ABCB5: variants seen among roughly 807,000 people sequenced by gnomAD.
ABCB5 encodes the protein ATP binding cassette subfamily B member 5.
A neutral mutation model predicts 144.2 loss-of-function variants in ABCB5; 155 were observed. The ratio of observed to expected loss-of-function variants is 1.08; its 90% confidence interval spans 0.94 to 1.23. The LOEUF (loss-of-function observed/expected upper bound fraction) is 1.23, where lower values mean the gene tolerates loss of function less well. Ranked by LOEUF, ABCB5 falls within the 50% of genes most tolerant of loss-of-function variation. The pLI is 0.00. For missense variants in ABCB5, 1,830 were observed against 1,520.8 expected (o/e 1.20, Z -3.38); for synonymous variants, 610 against 528.6 (o/e 1.15, Z -2.11).
At position 20,728,327 on chromosome 7, in the gene ABCB5, G is replaced by C. The variant is rs1782101917; in HGVS notation, c.2739G>C (p.Lys913Asn). 12 of 1,613,758 alleles carry C rather than the reference G, an allele frequency of 7.4e-6. No individual in the cohort carries two copies. The highest frequency in any genetic ancestry group is 9.3e-6 in the Non-Finnish European group (11 of 1,179,836). ...MLQTQHRNTS[K>N]KAQIIGSCYA... The stretch of plus-strand genomic sequence containing the variant: ...TTGTACATTCCAGAAATACCTCGAA[G>C]AAAGCACAGATTATTGGAAGCTGTT... Residue 913 changes from lysine to asparagine, a missense_variant, in exon 23 of 28, where the codon AAG (lysine) becomes AAC (asparagine). Lys to Asn is a moderately conservative substitution (Grantham distance 94). Transcript: ENST00000404938.
chr7:20,740,645 C>T (rs1782532173), intron 24 of ABCB5, among the ~76,000 whole-genome samples: 2 of 152,008 alleles, frequency 1.3e-5, no homozygotes, highest in African/African-American at 4.8e-5. Flanking sequence ...TTTCTTTCTG[C>T]AGATTATAAC....
rs190935074 is a variant in ABCB5, at chr7:20,693,412, A to G, written c.2011-4995A>G. 7.2e-5 allele frequency among the ~76,000 whole-genome samples: 11 copies of G among 152,272 alleles called. No individual in the cohort carries two copies. In the East Asian group the frequency reaches 1.7e-3, roughly 24 times the overall value. On this transcript the variant is annotated intron_variant, in intron 16 of 27. Transcript: ENST00000404938. ...GAAATGCAAAGTATATTACCTGACC[A>G]ATATGGAATAAAGTCAGAAGTCAAT...
intron 14 of ABCB5, chr7:20,667,310 G>A (rs1157740181): frequency 1.0e-5 from 10 of 984,742 alleles, no homozygotes; most frequent in Non-Finnish European, 1.1e-5. Context: ...TATGAGAAGA[G>A]ATATATATTA....
Position 20,757,004 on chromosome 7 carries a change from C to A in ABCB5, c.*1380C>A, listed in dbSNP as rs1187993875. 6.6e-6 allele frequency: 1 copy of A among 152,294 alleles called. No individual in the cohort carries two copies. Among genetic ancestry groups the A allele is most frequent in the African/African-American group, 2.4e-5 (1 of 41,426 alleles). 9.4% of individuals were successfully genotyped at this position (152,294 alleles called of 1,614,324 possible). On this transcript the variant is annotated 3_prime_UTR_variant, in exon 28 of 28. Coordinates refer to ENST00000404938, the MANE Select transcript of ABCB5 (RefSeq NM_001163941.2). ...TGCAAAATAAAAATAAGATTGGGGA[C>A]TTGAGAATCAGATGCATTGCTTAGA...
intron 20 of ABCB5, among the ~76,000 whole-genome samples, chr7:20,715,878 C>G (rs935081351): frequency 5.9e-5 from 9 of 151,978 alleles, no homozygotes; most frequent in Admixed American, 1.3e-4. Context: ...CACCACCACG[C>G]CCAGCTAATT....
At chr7:20,734,813 G>A (rs1019473692) in intron 23 of ABCB5, among the ~76,000 whole-genome samples, 8 of 152,072 alleles carry the variant, frequency 5.3e-5, no homozygotes, top group African/African-American at 1.9e-4. Context: ...CTCTTGTTTA[G>A]GTTCTCATGC....
At chr7:20,712,441 A>G (rs921823582) in intron 20 of ABCB5, among the ~76,000 whole-genome samples, 1 of 149,330 alleles carries the variant, frequency 6.7e-6, no homozygotes, top group East Asian at 2.0e-4. Flanking sequence ...TCTATTGACC[A>G]TTATTTATCT....
Position 20,755,841 on chromosome 7 carries a change from A to G in ABCB5, c.*217A>G. 2.0e-6 allele frequency: 1 copy of G among 508,092 alleles called. No homozygotes were observed. Among genetic ancestry groups the G allele is most frequent in the Non-Finnish European group, 3.5e-6 (1 of 286,438 alleles). 31.5% of individuals were successfully genotyped at this position (508,092 alleles called of 1,614,324 possible). A position where few individuals can be genotyped will look rare whatever the true frequency, so the allele number is the denominator to read the frequency against. On this transcript the variant is annotated 3_prime_UTR_variant, in exon 28 of 28. Coordinates refer to ENST00000404938, the MANE Select transcript of ABCB5 (RefSeq NM_001163941.2). ...TTCATGTAAGTGAAATAATGCTTAT[A>G]TCCTTCACTTTATAAAACTATTCTA...
intron 20 of ABCB5, among the ~76,000 whole-genome samples, chr7:20,711,243 G>T (rs1056947236): frequency 2.0e-5 from 3 of 149,004 alleles, no homozygotes; most frequent in Non-Finnish European, 4.5e-5. Flanking sequence ...AACATTTCTG[G>T]TCTCTTCCTT....
chr7:20,709,163 C>T (rs1562572212), intron 20 of ABCB5, among the ~76,000 whole-genome samples: 1 of 150,858 alleles, frequency 6.6e-6, no homozygotes, highest in Non-Finnish European at 1.5e-5. Flanking sequence ...ATAAGTTACG[C>T]AGTCTGAACA....
chr7:20,721,780 G>T (rs1363699512), intron 20 of ABCB5, among the ~76,000 whole-genome samples: 1 of 152,088 alleles, frequency 6.6e-6, no homozygotes, highest in Non-Finnish European at 1.5e-5. Context: ...ATTCAAATAG[G>T]AGTTAAGAAT....
At chr7:20,698,357 T>C (rs747216726) in intron 16 of ABCB5, 50 bp from the exon 17 acceptor site, 3 of 1,468,598 alleles carry the variant, frequency 2.0e-6, no homozygotes, top group African/African-American at 2.9e-5. Flanking sequence ...TTCACTAGAT[T>C]CTGTTATGCA....
chr7:20,658,327 CTT>C (rs759670787), intron 13 of ABCB5, among the ~76,000 whole-genome samples, 177 bp from the exon 14 acceptor site: 10 of 140,614 alleles, frequency 7.1e-5, no homozygotes, highest in Non-Finnish European at 9.2e-5. Context: ...TCTTTGGGCT[CTT>C]TTTTTTTTTT....
chr7:20,629,357 C>T (rs923266122), intron 4 of ABCB5, among the ~76,000 whole-genome samples: 3 of 152,150 alleles, frequency 2.0e-5, no homozygotes, highest in Non-Finnish European at 4.4e-5. Context: ...AATAGTTCAG[C>T]TTGTCTCTCT....
intron 19 of ABCB5, among the ~76,000 whole-genome samples, chr7:20,700,453 AAGG>A (rs1786581670): frequency 6.6e-6 from 1 of 152,242 alleles, no homozygotes; most frequent in South Asian, 2.1e-4. Context: ...CCAAATTAAA[AAGG>A]AGAAGTAAGA....
chr7:20,626,566 A>T lies in ABCB5; in HGVS notation c.63A>T (p.Glu21Asp). The T allele has an allele frequency of 6.2e-7, 1 of 1,607,774 alleles. No homozygotes were observed. Among genetic ancestry groups the T allele is most frequent in the Non-Finnish European group, 8.5e-7 (1 of 1,176,928 alleles). The change falls in exon 3 of 28, where the codon GAA (glutamate) becomes GAT (aspartate). Residue 21 changes from glutamate to aspartate, a missense_variant. Transcript: ENST00000404938. ...QENYQRNGTA[E>D]EQPKLRKEAV... Reference sequence around the variant, plus strand: ...AACTTTTATTTTCCAGAACTGCAGAAGAACAGCCAAAACTGAGAAAGGAAG... The same window carrying T: ...AACTTTTATTTTCCAGAACTGCAGATGAACAGCCAAAACTGAGAAAGGAAG...
chr7:20,690,629 G>A (rs1196614177), intron 16 of ABCB5, among the ~76,000 whole-genome samples: 1 of 152,136 alleles, frequency 6.6e-6, no homozygotes, highest in East Asian at 1.9e-4. Context: ...AAAGCAGAAC[G>A]GAGAGGAGGT....
chr7:20,625,813 A>T (rs1783896229), intron 2 of ABCB5, among the ~76,000 whole-genome samples: 1 of 152,236 alleles, frequency 6.6e-6, no homozygotes, highest in Non-Finnish European at 1.5e-5. Flanking sequence ...ACTCAAAAGA[A>T]TTAAAACCAG....
intron 13 of ABCB5, among the ~76,000 whole-genome samples, chr7:20,656,223 C>T (rs1413294915): frequency 2.0e-5 from 3 of 151,818 alleles, no homozygotes; most frequent in Non-Finnish European, 2.9e-5. Flanking sequence ...TTGAGAGAGG[C>T]AAAAGTTTCT....
Sources: allele counts gnomAD v4.1 joint callset (sites outside exome capture counted in the v4.1 genomes callset), GRCh38; gene constraint gnomAD v4.1.1; transcripts MANE v1.5; gene names NCBI Gene and HGNC (gene_info 2026-07-23, HGNC 2026-07-21).